The following GCN1 variants were observed in gnomAD, a reference collection of about 807,000 sequenced individuals.
The protein encoded by GCN1 is GCN1 activator of EIF2AK4.
A neutral mutation model predicts 288.4 loss-of-function variants in GCN1; 90 were observed. The ratio of observed to expected loss-of-function variants is 0.31; its 90% CI spans 0.26 to 0.37. The LOEUF is 0.37. Ranked by LOEUF, GCN1 falls within the 10% of genes least tolerant of loss-of-function variation. The probability of loss-of-function intolerance (pLI) is 1.00; values close to 1 mark genes in which losing one functional copy is unlikely to be tolerated. For missense variants in GCN1, 2,586 were observed against 3,419.9 expected (o/e 0.76, Z 6.08); for synonymous variants, 1,386 against 1,420.2 (o/e 0.98, Z 0.54).
chr12:120,163,008 G>A, intron 19 of GCN1, 37 bp from the exon 20 acceptor site: 1 of 1,613,942 alleles, frequency 6.2e-7, no homozygotes, highest in African/African-American at 1.3e-5. Flanking sequence ...CCTTCTGCCT[G>A]GCCTGCTCTT....
chr12:120,128,294 C>T (rs1051390031), intron 57 of GCN1, among the ~76,000 whole-genome samples: 7 of 151,368 alleles, frequency 4.6e-5, no homozygotes, highest in Non-Finnish European at 1.0e-4. Context: ...CTGGCCCCAT[C>T]ATGCTTTTCA....
rs750987507 is a variant in GCN1 at position 120,157,860 on chromosome 12, G to A, written c.3076C>T (p.Arg1026Trp). ...LRASPNTPPG[R>W]VDENGPELLP... ...GCTTCCCTGCCAACCTCGTCCACCCGCCCGGGTGGGGTGTTGGGGGAGGCC... is the reference window on the plus strand; with the variant it reads ...GCTTCCCTGCCAACCTCGTCCACCCACCCGGGTGGGGTGTTGGGGGAGGCC... The change falls in exon 26 of 58, where the codon CGG becomes TGG. Residue 1026 changes from arginine to tryptophan, a missense_variant. This residue lies in a region of GCN1 where 153 missense variants were observed against 252.0 expected (regional missense o/e 0.61). Coordinates refer to ENST00000300648, the MANE Select transcript of GCN1 (RefSeq NM_006836.2). 2.5e-6 allele frequency: 4 copies of A among 1,613,420 alleles called. No homozygotes were observed. Among genetic ancestry groups the A allele is most frequent in the South Asian group, 1.1e-5 (1 of 91,072 alleles).
chr12:120,148,828 ATTTATT>A, intron 36 of GCN1, among the ~76,000 whole-genome samples: 1 of 152,018 alleles, frequency 6.6e-6, no homozygotes, highest in South Asian at 2.1e-4. Flanking sequence ...CATTTTATTT[ATTTATT>A]TTTGAGACAG....
At chr12:120,178,533 C>T in intron 7 of GCN1, 92 bp downstream of exon 7, 1 of 1,325,042 alleles carries the variant, frequency 7.5e-7, no homozygotes, top group Non-Finnish European at 1.1e-6. Context: ...GCTAGGGTCA[C>T]CAGGGCAAAG....
chr12:120,129,843 G>A (rs965233307), intron 56 of GCN1, among the ~76,000 whole-genome samples: 2 of 152,158 alleles, frequency 1.3e-5, no homozygotes, highest in African/African-American at 4.8e-5. Context: ...ATCCTTTAGA[G>A]GTGCCCCCTG....
At position 120,134,812 on chromosome 12, in the gene GCN1, C is replaced by T. The variant is rs1876945112; in HGVS notation, c.7009-86G>A. ...CACAGGCATGAGAACAAATGACAAT[C>T]CCAAACCACCACAGCGAGTCCAGCT... On this transcript the variant is annotated intron_variant, in intron 51 of 57. Transcript: ENST00000300648. This position sits in a 1 kb window ranked among gnomAD's most constrained non-coding sequence, Gnocchi z 5.0. The T allele has an allele frequency of 1.8e-6, 2 of 1,135,344 alleles. No individual in the cohort carries two copies. The allele number at this position is 1,135,344 out of a possible 1,614,324, so 70.3% of individuals were successfully genotyped here.
chr12:120,149,690 T>G lies in GCN1; in HGVS notation c.4462A>C (p.Ser1488Arg). ...AADDCAKAVM[S>R]NLSAHGVKLV... ...TTCACCCCGTGAGCACTCAAGTTGCTCATCACAGCCTTGGCACAGTCATCT... is the reference window on the plus strand; with the variant it reads ...TTCACCCCGTGAGCACTCAAGTTGCGCATCACAGCCTTGGCACAGTCATCT... Residue 1488 changes from serine (S) to arginine (R), a missense_variant, in exon 36 of 58, where the codon AGC (serine) becomes CGC (arginine). Ser to Arg is a moderately radical substitution (Grantham distance 110). This residue lies in a region of GCN1 where 371 missense variants were observed against 572.6 expected (regional missense o/e 0.65). Transcript: ENST00000300648. 1 of 1,614,014 alleles carries G rather than the reference T, an allele frequency of 6.2e-7. No homozygotes were observed. The highest frequency in any genetic ancestry group is 8.5e-7 in the Non-Finnish European group (1 of 1,179,964).
At position 120,194,670 on chromosome 12, in the gene GCN1, C is replaced by CCCGCCTCACCTGCGTGT. The variant is rs1879116118; in HGVS notation, c.11_18+9dup. 6.6e-7 allele frequency: 1 copy of CCCGCCTCACCTGCGTGT among 1,514,490 alleles called. No individual in the cohort carries two copies. Among genetic ancestry groups the CCCGCCTCACCTGCGTGT allele is most frequent in the African/African-American group, 1.4e-5 (1 of 69,752 alleles). The allele number at this position is 1,514,490 out of a possible 1,614,324, so 93.8% of individuals were successfully genotyped here. ...CCTGGCCGCGTTGGCCCCGCAGCCGCCCGCCTCACCTGCGTGTCCGCCGCC... is the reference window on the plus strand; with the variant it reads ...CCTGGCCGCGTTGGCCCCGCAGCCGCCCGCCTCACCTGCGTGTCCGCCTCACCTGCGTGTCCGCCGCC... On this transcript the variant is annotated intron_variant, in intron 1 of 57. Coordinates refer to ENST00000300648, the MANE Select transcript of GCN1 (RefSeq NM_006836.2).
In GCN1 at chr12:120,177,598, G is replaced by A. The variant is rs757726394; in HGVS notation, c.730-43C>T. Reference sequence around the variant, plus strand: ...TAAGGCACCTAGCCCTCATGGGAACGGACCAAGAAGCAAAAAAGAGTTCAG... The same window carrying A: ...TAAGGCACCTAGCCCTCATGGGAACAGACCAAGAAGCAAAAAAGAGTTCAG... On this transcript the variant is annotated intron_variant, in intron 8 of 57. Transcript: ENST00000300648. 40 of 1,542,990 alleles carry A rather than the reference G, an allele frequency of 2.6e-5. No homozygotes were observed. The Admixed American group carries it at 2.7e-4, about 10-fold the overall frequency.
Position 120,158,993 on chromosome 12 carries a change from C to G in GCN1, c.2750-378G>C, listed in dbSNP as rs1269993442. On this transcript the variant is annotated intron_variant, in intron 24 of 57. Transcript: ENST00000300648. The surrounding 1 kb of genome is among the most constrained non-coding windows in gnomAD (Gnocchi z 4.3). ...CGCCACTGCACTCCAGCCTGGGTGACAGAGTAAGACTCCGTCTCAAAAAAA... is the reference window on the plus strand; with the variant it reads ...CGCCACTGCACTCCAGCCTGGGTGAGAGAGTAAGACTCCGTCTCAAAAAAA... 1.4e-5 allele frequency among the ~76,000 whole-genome samples: 2 copies of G among 147,858 alleles called. No individual in the cohort carries two copies. The highest frequency in any genetic ancestry group is 3.9e-4 in the East Asian group (2 of 5,064).
At chr12:120,179,997 G>T (rs1039247384) in intron 5 of GCN1, among the ~76,000 whole-genome samples, 5 of 152,090 alleles carry the variant, frequency 3.3e-5, no homozygotes, top group Non-Finnish European at 7.4e-5. Context: ...ATACATAATA[G>T]GTCCTTGACT....
intron 20 of GCN1, 78 bp from the exon 21 acceptor site, chr12:120,162,136 T>C (rs1210265203): frequency 5.1e-6 from 6 of 1,170,036 alleles, no homozygotes; most frequent in South Asian, 1.4e-5. Flanking sequence ...TGAATGCCCC[T>C]AGCACTGGCT....
chr12:120,162,416 A>G (rs1026020857), intron 20 of GCN1, among the ~76,000 whole-genome samples: 1 of 152,046 alleles, frequency 6.6e-6, no homozygotes, highest in African/African-American at 2.4e-5. Context: ...GGTCAAAGCG[A>G]CCCCAAGCCA....
intron 20 of GCN1, among the ~76,000 whole-genome samples, chr12:120,162,495 G>A (rs567810023): frequency 9.8e-5 from 15 of 152,362 alleles, no homozygotes; most frequent in Admixed American, 7.2e-4. Flanking sequence ...TGGAACTCTA[G>A]CAGCTCTTGT....
In GCN1 at chr12:120,129,405, G is replaced by A. The variant is rs745461425; in HGVS notation, c.7761C>T (p.Pro2587=). ...CCTTCAGGATGGGCTTGATGGCCTG[G>A]GGGTCCAGGGGAGGCAGTGGGTCCT... ...ANKDPLPPLD[P]QAIKPILKAL... The change falls in exon 57 of 58, where the codon CCC becomes CCT. Residue 2587 remains proline (P), a synonymous_variant. Transcript: ENST00000300648. 46 of 1,613,828 alleles carry A rather than the reference G, an allele frequency of 2.9e-5. No homozygotes were observed. The highest frequency in any genetic ancestry group is 3.5e-5 in the Non-Finnish European group (41 of 1,179,848).
intron 15 of GCN1, among the ~76,000 whole-genome samples, chr12:120,169,139 T>C (rs1264040770): frequency 2.0e-5 from 3 of 151,864 alleles, no homozygotes; most frequent in Non-Finnish European, 2.9e-5. Flanking sequence ...ACTAAAAATA[T>C]AAAAAATTAG....
intron 2 of GCN1, 98 bp downstream of exon 2, chr12:120,190,199 AG>A (rs1313482098): frequency 1.0e-5 from 7 of 675,212 alleles, no homozygotes; most frequent in Non-Finnish European, 1.8e-5. Flanking sequence ...CACTTCAGCC[AG>A]GGCAACAGTG....
intron 31 of GCN1, 41 bp downstream of exon 31, chr12:120,154,929 C>G: frequency 6.4e-7 from 1 of 1,560,484 alleles, no homozygotes. Flanking sequence ...TGCCACATCT[C>G]ACAAAGCTTG....
chr12:120,170,424 C>A (rs1488751156), intron 14 of GCN1, 103 bp from the exon 15 acceptor site: 6 of 997,008 alleles, frequency 6.0e-6, no homozygotes, highest in Non-Finnish European at 7.5e-6. Context: ...CGACTAAAAC[C>A]CTTCAGTTAA....
Sources: allele counts gnomAD v4.1 joint callset (sites outside exome capture counted in the v4.1 genomes callset), GRCh38; gene constraint gnomAD v4.1.1; regional missense constraint gnomAD v4.1.1; non-coding constraint Gnocchi (gnomAD v3.1); transcripts MANE v1.5; gene names NCBI Gene and HGNC (gene_info 2026-07-23, HGNC 2026-07-21).